The following GHR variants were observed in gnomAD, a reference collection of about 807,000 sequenced individuals.
GHR encodes the protein growth hormone receptor, also known as GH receptor.
Under a neutral mutation model 67.1 loss-of-function variants are expected in GHR, and 35 were observed. The observed-to-expected ratio is 0.52, with a 90% CI of 0.40 to 0.69. The LOEUF (loss-of-function observed/expected upper bound fraction) is 0.69, where lower values mean the gene tolerates loss of function less well. GHR is among the 30% of genes least tolerant of loss of function. GHR has a pLI of 0.00. For missense variants in GHR, 792 were observed against 764.6 expected (o/e 1.04, Z -0.42); for synonymous variants, 272 against 269.1 (o/e 1.01, Z -0.10).
intron 6 of GHR, among the ~76,000 whole-genome samples, chr5:42,706,974 G>A (rs1323231076): frequency 4.0e-5 from 6 of 151,854 alleles, no homozygotes; most frequent in African/African-American, 1.5e-4. Context: ...GATTGGCTTG[G>A]GCAGTATGGT....
In GHR at chr5:42,589,265, C is replaced by T. The variant is rs541016984; in HGVS notation, c.70+23321C>T. ...CCAAAGAAATAACCATTTATTGTTC[C>T]GTTTATGCTTTCAGTGTCTAGGACA... On this transcript the variant is annotated intron_variant, in intron 2 of 9. Transcript: ENST00000230882. 3.8e-4 allele frequency among the ~76,000 whole-genome samples: 58 copies of T among 152,262 alleles called. No homozygotes were observed. In the South Asian group the frequency reaches 0.01, roughly 27 times the overall value.
chr5:42,633,467 T>A (rs1754025032), intron 3 of GHR, among the ~76,000 whole-genome samples: 1 of 152,184 alleles, frequency 6.6e-6, no homozygotes, highest in African/African-American at 2.4e-5. Flanking sequence ...CAATAAAAAC[T>A]TTTGCAGGAC....
chr5:42,607,053 G>T (rs991651522), intron 2 of GHR, among the ~76,000 whole-genome samples: 16 of 152,098 alleles, frequency 1.1e-4, no homozygotes, highest in African/African-American at 3.9e-4. Flanking sequence ...GCTCTCACAA[G>T]AGCTGATGAA....
chr5:42,713,406 C>T (rs774890051), intron 7 of GHR, 23 bp from the exon 8 acceptor site: 35 of 1,037,234 alleles, frequency 3.4e-5, no homozygotes, highest in South Asian at 5.0e-5. Context: ...ATTCTGAAAG[C>T]GAAATATTCT....
At chr5:42,597,323 T>G (rs931329145) in intron 2 of GHR, among the ~76,000 whole-genome samples, 3 of 152,206 alleles carry the variant, frequency 2.0e-5, no homozygotes, top group South Asian at 2.1e-4. Flanking sequence ...GTGACAGATC[T>G]TGAGTGTTTT....
chr5:42,572,634 C>T (rs1750392937), intron 2 of GHR, among the ~76,000 whole-genome samples: 1 of 152,166 alleles, frequency 6.6e-6, no homozygotes, highest in Admixed American at 6.5e-5. Flanking sequence ...TTTCTTGTCC[C>T]TTGTTCCCAG....
At chr5:42,571,809 A>C (rs1016017311) in intron 2 of GHR, among the ~76,000 whole-genome samples, 2 of 152,224 alleles carry the variant, frequency 1.3e-5, no homozygotes, top group African/African-American at 4.8e-5. Context: ...ACTTTGGTTC[A>C]GTATCCTAAA....
At chr5:42,614,320 A>T (rs1753033192) in intron 2 of GHR, among the ~76,000 whole-genome samples, 1 of 152,018 alleles carries the variant, frequency 6.6e-6, no homozygotes, top group Non-Finnish European at 1.5e-5. Context: ...GAGAAATGCT[A>T]AGATTATGCC....
Position 42,719,578 on chromosome 5 carries a change from G to C in GHR, c.*154G>C, listed in dbSNP as rs565340420. ...GCCTTTTCCCAAAATGTTGAAATATGATGTTAAAAAAATAAGAAGAATGCT... is the reference window on the plus strand; with the variant it reads ...GCCTTTTCCCAAAATGTTGAAATATCATGTTAAAAAAATAAGAAGAATGCT... On this transcript the variant is annotated 3_prime_UTR_variant, in exon 10 of 10. Transcript: ENST00000230882. 6.9e-6 allele frequency: 5 copies of C among 721,960 alleles called. No homozygotes were observed. Among genetic ancestry groups the C allele is most frequent in the Non-Finnish European group, 1.2e-5 (5 of 403,180 alleles). The allele number at this position is 721,960 out of a possible 1,614,324, so 44.7% of individuals were successfully genotyped here. A position where few individuals can be genotyped will look rare whatever the true frequency, so the allele number is the denominator to read the frequency against.
intron 3 of GHR, among the ~76,000 whole-genome samples, chr5:42,667,452 G>C (rs1221291564): frequency 6.6e-6 from 1 of 152,224 alleles, no homozygotes; most frequent in East Asian, 1.9e-4. Flanking sequence ...ATATAACATA[G>C]AAGCTCATTG....
chr5:42,474,313 G>GAAAGAAAGAA (rs1554054609), intron 1 of GHR, among the ~76,000 whole-genome samples: 4 of 138,356 alleles, frequency 2.9e-5, no homozygotes, highest in Admixed American at 1.4e-4. Context: ...AAGAAAGAAA[G>GAAAGAAAGAA]AAAGAAAGAA....
intron 5 of GHR, 132 bp downstream of exon 5, chr5:42,695,221 C>A: frequency 1.4e-6 from 1 of 716,170 alleles, no homozygotes; most frequent in Admixed American, 2.0e-5. Context: ...ATCTGTTTTA[C>A]AGGAGATGGG....
At chr5:42,504,121 T>C (rs1746653755) in intron 1 of GHR, among the ~76,000 whole-genome samples, 1 of 152,180 alleles carries the variant, frequency 6.6e-6, no homozygotes, top group Non-Finnish European at 1.5e-5. Flanking sequence ...GTAATGAACA[T>C]GTTATTCTTT....
intron 1 of GHR, among the ~76,000 whole-genome samples, chr5:42,484,397 C>T (rs1745790004): frequency 6.6e-6 from 1 of 152,164 alleles, no homozygotes; most frequent in Non-Finnish European, 1.5e-5. Context: ...GATTTCCAGA[C>T]ATTGTAAAGA....
intron 1 of GHR, among the ~76,000 whole-genome samples, chr5:42,496,919 G>A (rs1038406374): frequency 1.3e-5 from 2 of 152,154 alleles, no homozygotes; most frequent in African/African-American, 2.4e-5. Flanking sequence ...CAAGTTATTT[G>A]CAGAAGAGGA....
In GHR at chr5:42,626,469, A is replaced by G. The variant is rs576214312; in HGVS notation, c.71-2569A>G. 1.1e-4 allele frequency among the ~76,000 whole-genome samples: 17 copies of G among 152,326 alleles called. No homozygotes were observed. In the East Asian group the frequency reaches 2.9e-3, roughly 26 times the overall value. Reference sequence around the variant, plus strand: ...TGTGGGTTGGAGTTGCAGAGTTTCCATGACCTCTCTGAGTGCAGCATCTTC... The same window carrying G: ...TGTGGGTTGGAGTTGCAGAGTTTCCGTGACCTCTCTGAGTGCAGCATCTTC... On this transcript the variant is annotated intron_variant, in intron 2 of 9. Coordinates refer to ENST00000230882, the MANE Select transcript of GHR (RefSeq NM_000163.5).
At chr5:42,468,947 G>C (rs1253084003) in intron 1 of GHR, 4 of 440,982 alleles carry the variant, frequency 9.1e-6, no homozygotes, top group Non-Finnish European at 1.7e-5. Context: ...GCTCTTCCCA[G>C]AAGATCGAAG....
rs552226283 is a variant in GHR, at chr5:42,423,476, G to A, written c.-491G>A. ...CACGCACCAACTCCAGCTCCTCGCC[G>A]GGAAGACTTCATCCCAGCAACTCGG... On this transcript the variant is annotated 5_prime_UTR_variant, in exon 1 of 10. Coordinates refer to ENST00000230882, the MANE Select transcript of GHR (RefSeq NM_000163.5). Among the ~76,000 whole-genome samples, 2 of 152,264 alleles carry A rather than the reference G, an allele frequency of 1.3e-5. No individual in the cohort carries two copies. Among genetic ancestry groups the A allele is most frequent in the South Asian group, 2.1e-4 (1 of 4,822 alleles).
chr5:42,645,102 G>A (rs987827085), intron 3 of GHR, among the ~76,000 whole-genome samples: 3 of 152,180 alleles, frequency 2.0e-5, no homozygotes, highest in Admixed American at 6.5e-5. Context: ...AAATATTTGA[G>A]TTCTAGCTAA....
Sources: gnomAD v4.1 joint callset for allele counts (sites outside exome capture counted in the v4.1 genomes callset) on GRCh38, gnomAD v4.1.1 for gene constraint, MANE v1.5 for transcripts, NCBI Gene and HGNC (gene_info 2026-07-23, HGNC 2026-07-21) for gene names.